HHATL: variants seen among roughly 807,000 people sequenced by gnomAD.
HHATL encodes hedgehog acyltransferase like, also known as protein-cysteine N-palmitoyltransferase HHAT-like protein.
A neutral mutation model predicts 59.7 loss-of-function variants in HHATL; 49 were observed. The ratio of observed to expected loss-of-function variants is 0.82; its 90% CI spans 0.65 to 1.04. The LOEUF is 1.04. Ranked by LOEUF, HHATL falls within the 50% of genes least tolerant of loss-of-function variation. The pLI is 0.00. For synonymous variants in HHATL, 238 were observed against 257.3 expected (o/e 0.93, Z 0.72); for missense variants, 605 against 650.8 (o/e 0.93, Z 0.77).
chr3:42,699,869 C>T (rs1193091023), intron 2 of HHATL, 44 bp from the exon 3 acceptor site: 3 of 1,488,090 alleles, frequency 2.0e-6, no homozygotes, highest in Non-Finnish European at 2.7e-6. Context: ...CTTCACATCC[C>T]CTGCCCCACC....
chr3:42,694,909 T>C (rs566790059), intron 9 of HHATL, among the ~76,000 whole-genome samples: 44 of 152,342 alleles, frequency 2.9e-4, no homozygotes, highest in African/African-American at 1.0e-3. Flanking sequence ...ATCTTATTTA[T>C]GTTTGTTTAC....
At chr3:42,696,329 C>A (rs1182887601) in intron 9 of HHATL, among the ~76,000 whole-genome samples, 1 of 152,112 alleles carries the variant, frequency 6.6e-6, no homozygotes, top group Non-Finnish European at 1.5e-5. Context: ...CACACCACTC[C>A]CTCTCCTGAG....
At chr3:42,693,596 C>G (rs767503208) in intron 10 of HHATL, 21 bp downstream of exon 10, 1 of 1,609,062 alleles carries the variant, frequency 6.2e-7, no homozygotes. Flanking sequence ...CCAGTCCCAG[C>G]CCCAGGTCTT....
At chr3:42,694,018 T>A in intron 9 of HHATL, 200 bp from the exon 10 acceptor site, 1 of 594,526 alleles carries the variant, frequency 1.7e-6, no homozygotes, top group South Asian at 2.0e-5. Context: ...CTTCTCTATC[T>A]CTGTTCGTTT....
intron 9 of HHATL, among the ~76,000 whole-genome samples, chr3:42,694,687 C>T (rs989812825): frequency 6.6e-6 from 1 of 152,182 alleles, no homozygotes; most frequent in African/African-American, 2.4e-5. Context: ...TACACCCACA[C>T]AGTTGGTTTG....
At chr3:42,697,914 G>A (rs1697710852) in intron 6 of HHATL, among the ~76,000 whole-genome samples, 1 of 152,148 alleles carries the variant, frequency 6.6e-6, no homozygotes. Context: ...TCGTGGCCTG[G>A]GAGTCCTGTC....
At chr3:42,699,664 T>C in intron 3 of HHATL, 94 bp downstream of exon 3, 1 of 1,065,558 alleles carries the variant, frequency 9.4e-7, no homozygotes, top group Non-Finnish European at 1.4e-6. Flanking sequence ...GCCCCAGAGC[T>C]GTGAGAAGCT....
chr3:42,693,858 A>T, intron 9 of HHATL, 40 bp from the exon 10 acceptor site: 1 of 1,555,624 alleles, frequency 6.4e-7, no homozygotes, highest in Non-Finnish European at 8.8e-7. Flanking sequence ...GGAGTGTGGG[A>T]AAGGGCAGGG....
At chr3:42,699,248 C>A (rs1185710908) in intron 3 of HHATL, 103 bp from the exon 4 acceptor site, 3 of 567,754 alleles carry the variant, frequency 5.3e-6, no homozygotes, top group Admixed American at 3.1e-5. Flanking sequence ...CCTTTCCCAG[C>A]CTTCATGTTC....
chr3:42,694,926 A>G (rs1490694822), intron 9 of HHATL, among the ~76,000 whole-genome samples: 1 of 152,188 alleles, frequency 6.6e-6, no homozygotes, highest in Non-Finnish European at 1.5e-5. Context: ...TTACCTGTTT[A>G]TGGTCTGTTT....
At chr3:42,700,935 G>C (rs1697949134) in intron 1 of HHATL, 96 bp from the exon 2 acceptor site, 2 of 770,472 alleles carry the variant, frequency 2.6e-6, no homozygotes, top group South Asian at 3.3e-5. Context: ...ACTCTGAAGA[G>C]AGATTGCCCC....
At chr3:42,695,208 T>C (rs1697551828) in intron 9 of HHATL, among the ~76,000 whole-genome samples, 1 of 152,204 alleles carries the variant, frequency 6.6e-6, no homozygotes, top group Non-Finnish European at 1.5e-5. Context: ...ATTCCCATTC[T>C]TTGCCCAACT....
rs1212932191 is a variant in HHATL, at chr3:42,701,018, C to G, written c.-13-179G>C. 2 of 563,956 alleles carry G rather than the reference C, an allele frequency of 3.5e-6. No individual in the cohort carries two copies. The highest frequency in any genetic ancestry group is 6.4e-6 in the Non-Finnish European group (2 of 311,884). The allele number at this position is 563,956 out of a possible 1,614,324, so 34.9% of individuals were successfully genotyped here. A position where few individuals can be genotyped will look rare whatever the true frequency, so the allele number is the denominator to read the frequency against. ...CCCCCACAGTTCACAGGCCACCGAA[C>G]ACCAGTGCCCCATCCCAGCTGCTGC... On this transcript the variant is annotated intron_variant, in intron 1 of 11. Transcript: ENST00000441594. This position sits in a 1 kb window ranked among gnomAD's most constrained non-coding sequence, Gnocchi z 5.1.
Position 42,697,608 on chromosome 3 carries a change from C to T in HHATL, c.765G>A (p.Val255=). Reference sequence around the variant, plus strand: ...AGATGTCGACGGCCATGATGGCCACCACGCTTAGGCCTGCCTGGGCTCGGA... The same window carrying T: ...AGATGTCGACGGCCATGATGGCCACTACGCTTAGGCCTGCCTGGGCTCGGA... ...WHIRAQAGLS[V]VAIMAVDIFF... The change falls in exon 7 of 12, where the codon GTG becomes GTA. Residue 255 remains valine (V), a synonymous_variant. Coordinates refer to ENST00000441594, the MANE Select transcript of HHATL (RefSeq NM_020707.4). The T allele has an allele frequency of 1.2e-6, 2 of 1,614,148 alleles. No individual in the cohort carries two copies. Among genetic ancestry groups the T allele is most frequent in the African/African-American group, 1.3e-5 (1 of 75,058 alleles).
intron 6 of HHATL, 114 bp from the exon 7 acceptor site, chr3:42,697,793 C>T: frequency 1.8e-6 from 2 of 1,135,020 alleles, no homozygotes; most frequent in Non-Finnish European, 2.5e-6. Context: ...ATCCAGGAGT[C>T]CTGCCTGAGG....
At chr3:42,699,541 T>G (rs1697839745) in intron 3 of HHATL, among the ~76,000 whole-genome samples, 1 of 152,050 alleles carries the variant, frequency 6.6e-6, no homozygotes, top group Non-Finnish European at 1.5e-5. Flanking sequence ...TGAAGCACAC[T>G]CCACTAATGC....
rs143830236 is a variant in HHATL at position 42,697,414 on chromosome 3, G to T, written c.865+94C>A. ...CGCCCTCAGGTGCTGTGCCCTGCGTGCCTCAGCTCCCCTGACTGTGGCACC... is the reference window on the plus strand; with the variant it reads ...CGCCCTCAGGTGCTGTGCCCTGCGTTCCTCAGCTCCCCTGACTGTGGCACC... On this transcript the variant is annotated intron_variant, in intron 7 of 11. Transcript: ENST00000441594. 4.9e-4 allele frequency: 685 copies of T among 1,398,416 alleles called. 2 individuals carry two copies. In the African/African-American group the frequency reaches 7.7e-3, roughly 16 times the overall value. 86.6% of individuals were successfully genotyped at this position (1,398,416 alleles called of 1,614,324 possible).
intron 2 of HHATL, 92 bp from the exon 3 acceptor site, chr3:42,699,917 AGGGCATCAGGAACG>A (rs1697861822): frequency 9.9e-7 from 1 of 1,013,892 alleles, no homozygotes; most frequent in African/African-American, 1.6e-5. Flanking sequence ...CTGGGGAGCG[AGGGCATCAGGAACG>A]GGGCACGGGT....
At position 42,701,356 on chromosome 3, in the gene HHATL, T is replaced by G. The variant is rs1164302087; in HGVS notation, c.-13-517A>C. ...CCTGAGATCCCATGACCACCCCAGG[T>G]GCTGCCCCTAGAGCCAAGCCTCCAT... On this transcript the variant is annotated intron_variant, in intron 1 of 11. Coordinates refer to ENST00000441594, the MANE Select transcript of HHATL (RefSeq NM_020707.4). The surrounding 1 kb of genome is among the most constrained non-coding windows in gnomAD (Gnocchi z 5.1). 1.3e-5 allele frequency: 2 copies of G among 154,856 alleles called. No individual in the cohort carries two copies. The highest frequency in any genetic ancestry group is 1.3e-4 in the Admixed American group (2 of 15,572). 9.6% of individuals were successfully genotyped at this position (154,856 alleles called of 1,614,324 possible). A position where few individuals can be genotyped will look rare whatever the true frequency, so the allele number is the denominator to read the frequency against.
Sources: allele counts gnomAD v4.1 joint callset (sites outside exome capture counted in the v4.1 genomes callset), GRCh38; gene constraint gnomAD v4.1.1; non-coding constraint Gnocchi (gnomAD v3.1); transcripts MANE v1.5; gene names NCBI Gene and HGNC (gene_info 2026-07-23, HGNC 2026-07-21).